The following FGFR2 variants were observed in gnomAD, a reference collection of about 807,000 sequenced individuals.
FGFR2 encodes fibroblast growth factor receptor 2.
In FGFR2, 19 loss-of-function variants were observed where a neutral mutation model predicts 95.9. That is an observed-to-expected ratio of 0.20 (90% CI 0.14 to 0.29). The LOEUF (loss-of-function observed/expected upper bound fraction) is 0.29. Among genes scored for constraint, FGFR2 ranks in the 10% least tolerant of loss-of-function variants. The pLI is 1.00. For missense variants in FGFR2, 707 were observed against 1,056.9 expected (o/e 0.67, Z 4.59); for synonymous variants, 392 against 393.3 (o/e 1.00, Z 0.04).
intron 6 of FGFR2, among the ~76,000 whole-genome samples, chr10:121,532,744 C>G (rs1852257909): frequency 6.6e-6 from 1 of 152,200 alleles, no homozygotes; most frequent in Non-Finnish European, 1.5e-5. Flanking sequence ...TCCCAAAACT[C>G]CCTTCCAGGT....
rs200522893 is a variant in FGFR2, at chr10:121,500,839, C to T, written c.1548G>A (p.Val516=). 1.2e-3 allele frequency: 1,866 copies of T among 1,614,038 alleles called. 35 individuals are homozygous for T. In the South Asian group the frequency reaches 0.019, roughly 17 times the overall value. Residue 516 remains valine, a synonymous_variant, in exon 11 of 18, where the codon GTG becomes GTA. Coordinates refer to ENST00000358487, the MANE Select transcript of FGFR2 (RefSeq NM_000141.5). ...DKPKEAVTVA[V]KMLKDDATEK... Reference sequence around the variant, plus strand: ...CTCCCCGCTCACCTTTCAACATCTTCACGGCCACGGTGACCGCCTCCTTGG... The same window carrying T: ...CTCCCCGCTCACCTTTCAACATCTTTACGGCCACGGTGACCGCCTCCTTGG...
intron 12 of FGFR2, 151 bp from the exon 13 acceptor site, chr10:121,496,873 G>C: frequency 1.4e-6 from 1 of 705,436 alleles, no homozygotes; most frequent in Admixed American, 2.6e-5. Flanking sequence ...CCTCATATCT[G>C]TAATCCCAGC....
At chr10:121,561,325 G>A (rs1377879913) in intron 4 of FGFR2, among the ~76,000 whole-genome samples, 1 of 151,590 alleles carries the variant, frequency 6.6e-6, no homozygotes, top group Non-Finnish European at 1.5e-5. Flanking sequence ...TCAGGAGGCT[G>A]AGGCAGGAGA....
chr10:121,558,335 T>G (rs1021921320), intron 4 of FGFR2, among the ~76,000 whole-genome samples: 1 of 152,240 alleles, frequency 6.6e-6, no homozygotes, highest in African/African-American at 2.4e-5. Flanking sequence ...AAACTGCAAC[T>G]TTCTTTCTGG....
rs1286630151 is a variant in FGFR2, at chr10:121,485,095, G to T, written c.2195+300C>A. On this transcript the variant is annotated intron_variant, in intron 16 of 17. Coordinates refer to ENST00000358487, the MANE Select transcript of FGFR2 (RefSeq NM_000141.5). The surrounding 1 kb of genome is among the most constrained non-coding windows in gnomAD (Gnocchi z 4.2). ...GGGAGACCGCAGAAGGTGCAGCACAGTGGCCCAGGAAGACCACTCCTGCTG... is the reference window on the plus strand; with the variant it reads ...GGGAGACCGCAGAAGGTGCAGCACATTGGCCCAGGAAGACCACTCCTGCTG... Among the ~76,000 whole-genome samples, 1 of 152,170 alleles carries T rather than the reference G, an allele frequency of 6.6e-6. No homozygotes were observed. The highest frequency in any genetic ancestry group is 2.4e-5 in the African/African-American group (1 of 41,440).
intron 6 of FGFR2, among the ~76,000 whole-genome samples, chr10:121,528,676 T>C (rs890809509): frequency 6.6e-6 from 1 of 152,226 alleles, no homozygotes; most frequent in Non-Finnish European, 1.5e-5. Flanking sequence ...CCATTTGTTT[T>C]CTTGGAGATG....
intron 5 of FGFR2, among the ~76,000 whole-genome samples, chr10:121,540,965 G>A (rs1853656273): frequency 6.6e-6 from 1 of 152,126 alleles, no homozygotes; most frequent in Non-Finnish European, 1.5e-5. Flanking sequence ...CTTGGCATAT[G>A]CAGCTTGGCT....
intron 2 of FGFR2, among the ~76,000 whole-genome samples, chr10:121,567,805 T>C (rs1174158502): frequency 6.6e-6 from 1 of 152,220 alleles, no homozygotes; most frequent in African/African-American, 2.4e-5. Context: ...CTTTTGTGTG[T>C]TACAAGGGCA....
At chr10:121,561,565 C>A (rs184408204) in intron 4 of FGFR2, among the ~76,000 whole-genome samples, 43 of 152,186 alleles carry the variant, frequency 2.8e-4, no homozygotes, top group Admixed American at 2.0e-3. Flanking sequence ...AGATTACACA[C>A]ATAAATACAA....
chr10:121,535,507 G>GAAAGTGCA (rs1238947550), intron 6 of FGFR2, among the ~76,000 whole-genome samples: 32 of 152,306 alleles, frequency 2.1e-4, no homozygotes, highest in Admixed American at 1.4e-3. Context: ...TGGACACAAG[G>GAAAGTGCA]AAAGTGCAAT....
At chr10:121,500,569 C>T (rs370871491) in intron 11 of FGFR2, among the ~76,000 whole-genome samples, 1 of 152,132 alleles carries the variant, frequency 6.6e-6, no homozygotes, top group East Asian at 1.9e-4. Context: ...ATTGTGGTCA[C>T]GAAGAAGGAG....
chr10:121,536,593 T>G (rs1317296418), intron 6 of FGFR2, among the ~76,000 whole-genome samples: 1 of 152,168 alleles, frequency 6.6e-6, no homozygotes, highest in Non-Finnish European at 1.5e-5. Context: ...AGCAGCCCAA[T>G]TCAAATCCCA....
intron 9 of FGFR2, among the ~76,000 whole-genome samples, chr10:121,507,894 C>A (rs557324281): frequency 6.6e-6 from 1 of 152,192 alleles, no homozygotes; most frequent in South Asian, 2.1e-4. Flanking sequence ...TGGTTTCAAC[C>A]AATCACAGAT....
Position 121,565,569 on chromosome 10 carries a change from T to C in FGFR2, c.245A>G (p.Asn82Ser), listed in dbSNP as rs1172232293. The change falls in exon 3 of 18, where the codon AAC (asparagine) becomes AGC (serine). Residue 82 changes from asparagine (N) to serine (S), a missense_variant. By Grantham distance (46) the Asn-to-Ser change is conservative. Transcript: ENST00000358487. ...WTKDGVHLGP[N>S]NRTVLIGEYL... is the part of the protein sequence containing the mutation. Reference sequence around the variant, plus strand: ...CTCCCCAATAAGCACTGTCCTATTGTTGGGCCCCAAGTGCACCCCATCCTT... The same window carrying C: ...CTCCCCAATAAGCACTGTCCTATTGCTGGGCCCCAAGTGCACCCCATCCTT... 2 of 1,614,220 alleles carry C rather than the reference T, an allele frequency of 1.2e-6. No individual in the cohort carries two copies. Among genetic ancestry groups the C allele is most frequent in the Non-Finnish European group, 8.5e-7 (1 of 1,180,048 alleles).
chr10:121,518,263 T>C lies in FGFR2; in HGVS notation c.940-800A>G, dbSNP rs1849964740. ...AAGAAATGATGCTTTGTTGAACAAA[T>C]TGCATCTTGCCAATATTTCCCTAAA... On this transcript the variant is annotated intron_variant, in intron 7 of 17. Transcript: ENST00000358487. This position sits in a 1 kb window ranked among gnomAD's most constrained non-coding sequence, Gnocchi z 4.0. Among the ~76,000 whole-genome samples the C allele has an allele frequency of 1.3e-5, 2 of 152,160 alleles. No homozygotes were observed. The highest frequency in any genetic ancestry group is 2.9e-5 in the Non-Finnish European group (2 of 68,036).
At chr10:121,551,175 G>A (rs748232536) in intron 5 of FGFR2, 115 bp downstream of exon 5, 194 of 1,204,244 alleles carry the variant, frequency 1.6e-4, no homozygotes, top group Non-Finnish European at 2.1e-4. Context: ...AACCGAGATC[G>A]CACCACGGCA....
At chr10:121,542,816 C>T (rs1386761090) in intron 5 of FGFR2, among the ~76,000 whole-genome samples, 1 of 152,100 alleles carries the variant, frequency 6.6e-6, no homozygotes, top group Non-Finnish European at 1.5e-5. Flanking sequence ...CCCAAAATGC[C>T]TATTAAATCC....
intron 4 of FGFR2, among the ~76,000 whole-genome samples, chr10:121,560,410 C>T (rs901990510): frequency 6.6e-6 from 1 of 151,878 alleles, no homozygotes; most frequent in African/African-American, 2.4e-5. Flanking sequence ...GTCAGGAGAT[C>T]GAGACCATTC....
rs1236074902 is a variant in FGFR2, at chr10:121,564,509, G to C, written c.447C>G (p.Asn149Lys). ...AGCCGGGCAGTTACTTACTCTTGTT[G>C]TTACTGTTCTCACTGACAAAATCTT... ...GAEDFVSENS[N>K]NKRAPYWTNT... Residue 149 changes from asparagine (N) to lysine (K), a missense_variant, in exon 4 of 18, where the codon AAC becomes AAG. Coordinates refer to ENST00000358487, the MANE Select transcript of FGFR2 (RefSeq NM_000141.5). 6.2e-7 allele frequency: 1 copy of C among 1,613,754 alleles called. No homozygotes were observed. Among genetic ancestry groups the C allele is most frequent in the Non-Finnish European group, 8.5e-7 (1 of 1,179,914 alleles).
Sources: gnomAD v4.1 joint callset for allele counts (sites outside exome capture counted in the v4.1 genomes callset) on GRCh38, gnomAD v4.1.1 for gene constraint, Gnocchi (gnomAD v3.1) non-coding constraint, MANE v1.5 for transcripts, NCBI Gene and HGNC (gene_info 2026-07-23, HGNC 2026-07-21) for gene names.